CCDC40: variants seen among roughly 807,000 people sequenced by gnomAD.
The protein encoded by CCDC40 is coiled-coil domain 40 molecular ruler complex subunit.
In CCDC40, 104 loss-of-function variants were observed where a neutral mutation model predicts 124.5. The observed-to-expected ratio is 0.84, with a 90% CI of 0.71 to 0.98. The LOEUF is 0.98. Among genes scored for constraint, CCDC40 ranks in the 50% least tolerant of loss-of-function variants. CCDC40 has a pLI of 0.00. For missense variants in CCDC40, 1,463 were observed against 1,503.9 expected (o/e 0.97, Z 0.45); for synonymous variants, 580 against 602.9 (o/e 0.96, Z 0.56).
intron 17 of CCDC40, among the ~76,000 whole-genome samples, chr17:80,092,616 T>G (rs967167375): frequency 6.6e-6 from 1 of 152,184 alleles, no homozygotes; most frequent in Admixed American, 6.5e-5. Flanking sequence ...ACCCAGTCTG[T>G]TCTCTTTTTT....
intron 4 of CCDC40, 98 bp from the exon 5 acceptor site, chr17:80,048,485 T>C: frequency 1.0e-6 from 1 of 955,246 alleles, no homozygotes; most frequent in Non-Finnish European, 1.6e-6. Context: ...TCATGCTGCA[T>C]GAGGCATGAC....
rs912019895 is a variant in CCDC40 at position 80,090,561 on chromosome 17, G to T, written c.2832+677G>T. 2.7e-6 allele frequency: 4 copies of T among 1,506,250 alleles called. No individual in the cohort carries two copies. The African/African-American group carries it at 5.5e-5, about 21-fold the overall frequency. The allele number at this position is 1,506,250 out of a possible 1,614,324, so 93.3% of individuals were successfully genotyped here. A position where few individuals can be genotyped will look rare whatever the true frequency, so the allele number is the denominator to read the frequency against. ...CAGCACGCTGGTATTTTTAAATGCC[G>T]GTTGTAACCCTCAAACTTTGTGACC... On this transcript the variant is annotated intron_variant, in intron 17 of 19. Coordinates refer to ENST00000397545, the MANE Select transcript of CCDC40 (RefSeq NM_017950.4).
In CCDC40 at chr17:80,061,176, T is replaced by C. The variant is rs1227127617; in HGVS notation, c.1440+2196T>C. Among the ~76,000 whole-genome samples, 7 of 138,890 alleles carry C rather than the reference T, an allele frequency of 5.0e-5. No homozygotes were observed. The East Asian group carries it at 1.2e-3, about 23-fold the overall frequency. 91.1% of individuals were successfully genotyped at this position (138,890 alleles called of 152,430 possible). ...GCCTGGCCCGCATGGCAAAACCCCA[T>C]CTCTACTGAAAATACAAAAATTAGC... On this transcript the variant is annotated intron_variant, in intron 9 of 19. Coordinates refer to ENST00000397545, the MANE Select transcript of CCDC40 (RefSeq NM_017950.4).
intron 10 of CCDC40, among the ~76,000 whole-genome samples, chr17:80,076,031 A>T (rs2038302792): frequency 6.6e-6 from 1 of 152,198 alleles, no homozygotes; most frequent in South Asian, 2.1e-4. Context: ...CGTTTTCTTG[A>T]GGTGGAATCT....
At position 80,066,192 on chromosome 17, in the gene CCDC40, C is replaced by T. The variant is rs2038042522; in HGVS notation, c.1562+586C>T. 1.4e-6 allele frequency: 1 copy of T among 702,872 alleles called. No individual in the cohort carries two copies. The highest frequency in any genetic ancestry group is 2.6e-6 in the Non-Finnish European group (1 of 385,014). 43.5% of individuals were successfully genotyped at this position (702,872 alleles called of 1,614,324 possible). A position where few individuals can be genotyped will look rare whatever the true frequency, so the allele number is the denominator to read the frequency against. On this transcript the variant is annotated intron_variant, in intron 10 of 19. Coordinates refer to ENST00000397545, the MANE Select transcript of CCDC40 (RefSeq NM_017950.4). This position sits in a 1 kb window ranked among gnomAD's most constrained non-coding sequence, Gnocchi z 4.4. ...ACTGTGGTGGCACGTGTCTCACCCG[C>T]TGAGCTTTAACTTCCCCTCCACCTT...
At chr17:80,037,682 T>TAAAAA (rs1423212184) in intron 1 of CCDC40, among the ~76,000 whole-genome samples, 3,001 of 95,824 alleles carry the variant, frequency 0.031, 70 homozygotes, top group South Asian at 0.054. Flanking sequence ...CTTTAATTTT[T>TAAAAA]TAAAAAAGAT....
At position 80,065,500 on chromosome 17, in the gene CCDC40, G is replaced by C. The variant is rs375800869; in HGVS notation, c.1456G>C (p.Asp486His). Residue 486 changes from aspartate to histidine, a missense_variant, in exon 10 of 20, where the codon GAC becomes CAC. Coordinates refer to ENST00000397545, the MANE Select transcript of CCDC40 (RefSeq NM_017950.4). ...KAVSEACTEI[D>H]AISVEKRRIM... ...TTGGCTGCAGGCCTGCACCGAGATCGACGCCATCAGCGTGGAGAAGAGGCG... is the reference window on the plus strand; with the variant it reads ...TTGGCTGCAGGCCTGCACCGAGATCCACGCCATCAGCGTGGAGAAGAGGCG... The C allele has an allele frequency of 1.2e-6, 2 of 1,612,286 alleles. No individual in the cohort carries two copies. Among genetic ancestry groups the C allele is most frequent in the Admixed American group, 1.7e-5 (1 of 59,932 alleles).
At chr17:80,062,914 C>T (rs567751029) in intron 9 of CCDC40, among the ~76,000 whole-genome samples, 175 of 152,058 alleles carry the variant, frequency 1.2e-3, no homozygotes, top group Non-Finnish European at 2.0e-3. Flanking sequence ...TTTAATATGG[C>T]GGGGCATGGT....
At chr17:80,049,749 C>T (rs1273531466) in intron 5 of CCDC40, among the ~76,000 whole-genome samples, 157 bp from the exon 6 acceptor site, 1 of 151,962 alleles carries the variant, frequency 6.6e-6, no homozygotes, top group Non-Finnish European at 1.5e-5. Context: ...TAATTTGTGG[C>T]TTCCAGAGTA....
intron 3 of CCDC40, among the ~76,000 whole-genome samples, chr17:80,042,721 C>A (rs2037314193): frequency 6.6e-6 from 1 of 152,156 alleles, no homozygotes; most frequent in South Asian, 2.1e-4. Context: ...TGAGAGCAGA[C>A]CTCTTGTCTT....
chr17:80,097,029 C>G (rs2038822365), intron 18 of CCDC40, among the ~76,000 whole-genome samples: 5 of 152,266 alleles, frequency 3.3e-5, no homozygotes, highest in Admixed American at 1.3e-4. Context: ...GCCCCCATCT[C>G]TCTGCCACAC....
In CCDC40 at chr17:80,036,701, G is replaced by A. The variant is rs747300417; in HGVS notation, c.29+10G>A. The A allele has an allele frequency of 6.8e-7, 1 of 1,465,262 alleles. No homozygotes were observed. The highest frequency in any genetic ancestry group is 9.0e-7 in the Non-Finnish European group (1 of 1,109,698). 90.8% of individuals were successfully genotyped at this position (1,465,262 alleles called of 1,614,324 possible). ...GCGGCGCGGCGGGCCGGTAAGCCGG[G>A]CCGAGGGGCAGCGGGTCTTGGAGTC... is the stretch of plus-strand genomic sequence containing the variant. On this transcript the variant is annotated intron_variant, in intron 1 of 19. Coordinates refer to ENST00000397545, the MANE Select transcript of CCDC40 (RefSeq NM_017950.4).
chr17:80,040,106 G>A lies in CCDC40; in HGVS notation c.388G>A (p.Asp130Asn), dbSNP rs758879011. The A allele has an allele frequency of 2.5e-5, 40 of 1,614,048 alleles. No homozygotes were observed. The highest frequency in any genetic ancestry group is 3.2e-5 in the Non-Finnish European group (38 of 1,180,030). Residue 130 changes from aspartate to asparagine, a missense_variant, in exon 3 of 20, where the codon GAT becomes AAT. Physicochemically the swap from Asp to Asn is conservative, Grantham distance 23. Coordinates refer to ENST00000397545, the MANE Select transcript of CCDC40 (RefSeq NM_017950.4). The part of the protein sequence containing the change: ...PQELPGEEAY[D>N]SVSGEAGLQG... The stretch of plus-strand genomic sequence containing the variant: ...GGAACTGCCTGGAGAGGAGGCATAC[G>A]ATAGTGTTAGCGGGGAGGCTGGTCT...
At chr17:80,090,734 T>G in intron 17 of CCDC40, 1 of 1,399,660 alleles carries the variant, frequency 7.1e-7, no homozygotes, top group Non-Finnish European at 9.3e-7. Flanking sequence ...TTGCAAGTGG[T>G]CATCAAGCTA....
intron 10 of CCDC40, among the ~76,000 whole-genome samples, chr17:80,076,371 T>G (rs146768928): frequency 0.032 from 4,856 of 152,082 alleles, 261 homozygotes; most frequent in African/African-American, 0.11. Flanking sequence ...CTCAGGAGTT[T>G]GAGACCAGCC....
chr17:80,061,215 A>G (rs368775199), intron 9 of CCDC40, among the ~76,000 whole-genome samples: 1 of 152,138 alleles, frequency 6.6e-6, no homozygotes, highest in African/African-American at 2.4e-5. Context: ...GCGTGGTGGT[A>G]CACGCCTGTA....
At chr17:80,083,805 G>T (rs909357913) in intron 12 of CCDC40, among the ~76,000 whole-genome samples, 1 of 152,234 alleles carries the variant, frequency 6.6e-6, no homozygotes, top group Non-Finnish European at 1.5e-5. Context: ...AGCAGGAGGG[G>T]TCAGAACGCA....
chr17:80,068,861 G>C (rs1284954218), intron 10 of CCDC40, among the ~76,000 whole-genome samples: 1 of 152,252 alleles, frequency 6.6e-6, no homozygotes, highest in African/African-American at 2.4e-5. Flanking sequence ...GCTCGGACTA[G>C]CAGATTCTTA....
chr17:80,053,643 A>G (rs1378836844), intron 7 of CCDC40, among the ~76,000 whole-genome samples: 1 of 152,114 alleles, frequency 6.6e-6, no homozygotes, highest in Non-Finnish European at 1.5e-5. Flanking sequence ...CCCAGGCTGG[A>G]GTGCAGTGGC....
Sources: allele counts gnomAD v4.1 joint callset (sites outside exome capture counted in the v4.1 genomes callset), GRCh38; gene constraint gnomAD v4.1.1; non-coding constraint Gnocchi (gnomAD v3.1); transcripts MANE v1.5; gene names NCBI Gene and HGNC (gene_info 2026-07-23, HGNC 2026-07-21).